Variants in GRIP1 observed in about 807,000 individuals in gnomAD.
GRIP1 encodes the protein glutamate receptor-interacting protein 1.
Under a neutral mutation model 129.9 loss-of-function variants are expected in GRIP1, and 45 were observed. The observed-to-expected ratio is 0.35, with a 90% CI of 0.27 to 0.44. The LOEUF (loss-of-function observed/expected upper bound fraction) is 0.44. Ranked by LOEUF, GRIP1 falls within the 20% of genes least tolerant of loss-of-function variation. The pLI, the probability that GRIP1 is intolerant of heterozygous loss-of-function variation, is 1.00. For synonymous variants in GRIP1, 530 were observed against 520.8 expected (o/e 1.02, Z -0.24); for missense variants, 1,196 against 1,396.8 (o/e 0.86, Z 2.29).
intron 1 of GRIP1, among the ~76,000 whole-genome samples, chr12:66,813,363 C>A (rs1461655610): frequency 3.3e-5 from 5 of 152,140 alleles, no homozygotes; most frequent in Non-Finnish European, 7.4e-5. Flanking sequence ...CACCGATGAT[C>A]CAAGGACCTC....
At chr12:66,721,690 T>A (rs2036061893) in intron 1 of GRIP1, among the ~76,000 whole-genome samples, 1 of 152,240 alleles carries the variant, frequency 6.6e-6, no homozygotes, top group Admixed American at 6.5e-5. Context: ...GACTTCTCTC[T>A]AGCTAGGAAA....
At chr12:66,460,791 A>G (rs966240522) in intron 9 of GRIP1, among the ~76,000 whole-genome samples, 2 of 152,330 alleles carry the variant, frequency 1.3e-5, no homozygotes, top group East Asian at 3.9e-4. Context: ...AGAAAGGGTA[A>G]AACTATGTAA....
chr12:66,476,543 C>T (rs574404568), intron 7 of GRIP1, among the ~76,000 whole-genome samples: 1 of 152,160 alleles, frequency 6.6e-6, no homozygotes, highest in African/African-American at 2.4e-5. Flanking sequence ...TAGCATCATC[C>T]TGATACCAAA....
intron 7 of GRIP1, among the ~76,000 whole-genome samples, chr12:66,483,288 C>T (rs7960332): frequency 0.62 from 94,827 of 151,940 alleles, 30,044 homozygotes; most frequent in Middle Eastern, 0.76. Context: ...TCAGATAAAC[C>T]AAACCCCAAT....
chr12:66,673,519 G>A (rs1469166298), intron 1 of GRIP1, among the ~76,000 whole-genome samples: 1 of 152,144 alleles, frequency 6.6e-6, no homozygotes, highest in Non-Finnish European at 1.5e-5. Flanking sequence ...TTCCTCTGGA[G>A]GATGGGTACC....
intron 7 of GRIP1, among the ~76,000 whole-genome samples, chr12:66,475,920 C>A (rs143836821): frequency 1.3e-5 from 2 of 150,784 alleles, no homozygotes; most frequent in South Asian, 4.2e-4. Context: ...TAAAATGACA[C>A]GCTAAAATGT....
upstream of GRIP1, among the ~76,000 whole-genome samples, chr12:66,805,792 T>C (rs1007181863): frequency 6.6e-6 from 1 of 152,194 alleles, no homozygotes; most frequent in Non-Finnish European, 1.5e-5. Context: ...ATCTAAAATA[T>C]GTAGTTACTT....
In GRIP1 at chr12:66,820,016, T is replaced by A. The variant is rs973246040; in HGVS notation, c.59-223089A>T. Among the ~76,000 whole-genome samples, 5 of 152,190 alleles carry A rather than the reference T, an allele frequency of 3.3e-5. No homozygotes were observed. In the South Asian group the frequency reaches 1.0e-3, roughly 32 times the overall value. Reference sequence around the variant, plus strand: ...CTCAGTTATCTGGAGGCACCTTACTTTAGTGAGCTTTACCTCCTGAAACCT... The same window carrying A: ...CTCAGTTATCTGGAGGCACCTTACTATAGTGAGCTTTACCTCCTGAAACCT... On this transcript the variant is annotated intron_variant, in intron 1 of 1. Coordinates refer to the GRIP1 transcript ENST00000643019.
intron 11 of GRIP1, among the ~76,000 whole-genome samples, chr12:66,446,363 GC>G (rs1010207596): frequency 6.6e-6 from 1 of 151,980 alleles, no homozygotes; most frequent in Admixed American, 6.6e-5. Context: ...CACAGCCTCT[GC>G]CTGCAGGTCC....
chr12:66,552,647 G>T (rs114550238), intron 2 of GRIP1, among the ~76,000 whole-genome samples: 2,502 of 152,230 alleles, frequency 0.016, 62 homozygotes, highest in African/African-American at 0.057. Flanking sequence ...TGGACCAAAA[G>T]AATGTATAGA....
chr12:66,837,891 T>C (rs17780098), intron 1 of GRIP1, among the ~76,000 whole-genome samples: 43,872 of 151,972 alleles, frequency 0.29, 6,733 homozygotes, highest in Non-Finnish European at 0.34. Flanking sequence ...TTCAGAATGG[T>C]GGTTAAAAAA....
At chr12:66,552,561 AC>A (rs1460240771) in intron 2 of GRIP1, among the ~76,000 whole-genome samples, 1 of 152,168 alleles carries the variant, frequency 6.6e-6, no homozygotes, top group East Asian at 1.9e-4. Context: ...TGTCTATTTT[AC>A]GTACATGAAA....
intron 2 of GRIP1, among the ~76,000 whole-genome samples, chr12:66,551,352 G>A (rs1289656773): frequency 2.6e-5 from 4 of 152,180 alleles, no homozygotes; most frequent in Admixed American, 6.5e-5. Context: ...ACAGCTCAAC[G>A]TATGCTGCTG....
intron 1 of GRIP1, among the ~76,000 whole-genome samples, chr12:67,006,248 A>G (rs980150778): frequency 6.6e-6 from 1 of 152,172 alleles, no homozygotes; most frequent in African/African-American, 2.4e-5. Flanking sequence ...CCAGTCAAGT[A>G]GGCTGCTAGG....
At chr12:66,572,684 A>G (rs1198215564) in intron 2 of GRIP1, among the ~76,000 whole-genome samples, 9 of 152,130 alleles carry the variant, frequency 5.9e-5, no homozygotes, top group Non-Finnish European at 1.5e-5. Flanking sequence ...GCCTATTTCC[A>G]TTTGGTTTTC....
intron 2 of GRIP1, among the ~76,000 whole-genome samples, chr12:66,574,548 C>G (rs1199105559): frequency 2.6e-5 from 4 of 152,238 alleles, no homozygotes; most frequent in African/African-American, 4.8e-5. Flanking sequence ...AGGTCTACCT[C>G]ATACGTTTAA....
intron 2 of GRIP1, among the ~76,000 whole-genome samples, chr12:66,590,248 A>G (rs2063805877): frequency 6.6e-6 from 1 of 152,178 alleles, no homozygotes; most frequent in Non-Finnish European, 1.5e-5. Flanking sequence ...AATTTCCCCT[A>G]AATTGCATGC....
chr12:66,438,389 A>G (rs2138037128), intron 13 of GRIP1, among the ~76,000 whole-genome samples: 1 of 152,338 alleles, frequency 6.6e-6, no homozygotes, highest in Non-Finnish European at 1.5e-5. Context: ...CAGGAACCCC[A>G]GAGAAACAGT....
intron 16 of GRIP1, among the ~76,000 whole-genome samples, chr12:66,402,246 T>C (rs2057028960): frequency 6.6e-6 from 1 of 152,250 alleles, no homozygotes; most frequent in Non-Finnish European, 1.5e-5. Flanking sequence ...CATATCCTTA[T>C]GACATTCATC....
Sources: allele counts gnomAD v4.1 joint callset (sites outside exome capture counted in the v4.1 genomes callset), GRCh38; gene constraint gnomAD v4.1.1; transcripts MANE v1.5; gene names NCBI Gene and HGNC (gene_info 2026-07-23, HGNC 2026-07-21).